Variants in YIPF6 observed in about 807,000 individuals in gnomAD.
YIPF6 encodes the protein protein YIPF6.
Under a neutral mutation model 16.8 loss-of-function variants are expected in YIPF6, and 3 were observed. That is an observed-to-expected ratio of 0.18 (90% CI 0.08 to 0.46). The LOEUF (loss-of-function observed/expected upper bound fraction) is 0.46, where lower values mean the gene tolerates loss of function less well. YIPF6 is among the 20% of genes least tolerant of loss of function. The pLI, the probability that YIPF6 is intolerant of heterozygous loss-of-function variation, is 0.98. For missense variants in YIPF6, 145 were observed against 184.9 expected, an observed-to-expected ratio of 0.78 and a Z score of 1.25; for synonymous variants, 67 against 61.9, an observed-to-expected ratio of 1.08 and a Z score of -0.38.
At chrX:68,509,114 G>GTT (rs202244962) in intron 1 of YIPF6, among the ~76,000 whole-genome samples, 4 of 98,387 alleles carry the variant, frequency 4.1e-5, no homozygotes, top group African/African-American at 7.3e-5. Flanking sequence ...TTTTGTTGTT[G>GTT]TTTTTTTTTT....
rs1335755831 is a variant in YIPF6, at chrX:68,522,957, A to C, written c.592+40A>C. 3 of 1,195,742 alleles carry C rather than the reference A, an allele frequency of 2.5e-6. No homozygotes were observed. In the Admixed American group the frequency reaches 6.9e-5, roughly 27 times the overall value. On this transcript the variant is annotated intron_variant, in intron 6 of 6. Transcript: ENST00000462683. Reference sequence around the variant, plus strand: ...ATTTCCACAATAACAGAACAGACAAAAACATGATTTAATGATGAAGACCAG... The same window carrying C: ...ATTTCCACAATAACAGAACAGACAACAACATGATTTAATGATGAAGACCAG...
At chrX:68,525,835 T>C (rs1422999824) in intron 6 of YIPF6, among the ~76,000 whole-genome samples, 1 of 111,601 alleles carries the variant, frequency 9.0e-6, no homozygotes, top group Non-Finnish European at 1.9e-5. Context: ...TTCTGTTCCA[T>C]CGGTCTATAT....
chrX:68,524,642 G>A (rs2079140172), intron 6 of YIPF6, among the ~76,000 whole-genome samples: 1 of 109,142 alleles, frequency 9.2e-6, no homozygotes, highest in African/African-American at 3.3e-5. Context: ...ATCTACATTA[G>A]GTATTTCTCC....
In YIPF6 at chrX:68,504,315, G is replaced by A. The variant is rs1017698092; in HGVS notation, c.57+5192G>A. ...TATTGGGGTTTCATTATGATTAATT[G>A]GACCATTGCTCACATAATGGAACTC... On this transcript the variant is annotated intron_variant, in intron 1 of 6. Transcript: ENST00000462683. 3.6e-5 allele frequency among the ~76,000 whole-genome samples: 4 copies of A among 110,909 alleles called. No individual in the cohort carries two copies. The South Asian group carries it at 1.6e-3, about 43-fold the overall frequency.
chrX:68,527,632 A>T (rs1445798714), intron 6 of YIPF6, among the ~76,000 whole-genome samples: 3 of 111,754 alleles, frequency 2.7e-5, no homozygotes, highest in Non-Finnish European at 5.6e-5. Context: ...CCCTCTAAAC[A>T]CTGCTTTAGC....
At chrX:68,531,582 CA>C (rs1040830592) in intron 6 of YIPF6, among the ~76,000 whole-genome samples, 1 of 112,377 alleles carries the variant, frequency 8.9e-6, no homozygotes, top group Non-Finnish European at 1.9e-5. Flanking sequence ...TAACCTTACA[CA>C]TCTTTGTAAG....
chrX:68,502,616 A>G (rs1257212768), intron 1 of YIPF6, among the ~76,000 whole-genome samples: 1 of 111,171 alleles, frequency 9.0e-6, no homozygotes, highest in Non-Finnish European at 1.9e-5. Context: ...AGTTTGGGAC[A>G]TGTTTAGTTT....
At chrX:68,503,972 G>T (rs1042605677) in intron 1 of YIPF6, among the ~76,000 whole-genome samples, 2 of 112,058 alleles carry the variant, frequency 1.8e-5, no homozygotes, top group Non-Finnish European at 3.8e-5. Context: ...GCCCATCTTG[G>T]CCTCCCAAAT....
chrX:68,513,498 A>G (rs2079089279), intron 3 of YIPF6, 93 bp downstream of exon 3: 1 of 484,838 alleles, frequency 2.1e-6, no homozygotes, highest in African/African-American at 2.4e-5. Flanking sequence ...TGGTAATAAA[A>G]CTGACATCAT....
At chrX:68,511,819 GCTTA>G (rs1316161131) in intron 1 of YIPF6, 26 bp from the exon 2 acceptor site, 64 of 1,182,627 alleles carry the variant, frequency 5.4e-5, no homozygotes, top group Non-Finnish European at 7.1e-5. Context: ...TTTATTACAG[GCTTA>G]CTTTTTTTCC....
rs58273451 is a variant in YIPF6, at chrX:68,532,599, C to CAAAAAA, written c.*614_*619dup. 2.2e-5 allele frequency: 1 copy of CAAAAAA among 44,455 alleles called. No individual in the cohort carries two copies. The allele number at this position is 44,455 out of a possible 1,213,427, so 3.7% of individuals were successfully genotyped here. On this transcript the variant is annotated 3_prime_UTR_variant, in exon 7 of 7. Coordinates refer to ENST00000462683, the MANE Select transcript of YIPF6 (RefSeq NM_173834.4). Reference sequence around the variant, plus strand: ...ATCAGGGGAAATTCTACACTTGTTGCAAAAAAAAAAAAAAAAAAAGCAAAG... The same window carrying CAAAAAA: ...ATCAGGGGAAATTCTACACTTGTTGCAAAAAAAAAAAAAAAAAAAAAAAAAGCAAAG...
At chrX:68,504,355 C>CA (rs762464103) in intron 1 of YIPF6, among the ~76,000 whole-genome samples, 10 of 111,188 alleles carry the variant, frequency 9.0e-5, no homozygotes, top group Admixed American at 2.9e-4. Context: ...TCCAGGGTCC[C>CA]ACCACTCCCG....
chrX:68,521,599 G>A, intron 5 of YIPF6, 102 bp downstream of exon 5: 1 of 882,636 alleles, frequency 1.1e-6, no homozygotes, highest in Non-Finnish European at 1.6e-6. Flanking sequence ...TTTGAGACAG[G>A]GTGTCACTCT....
At chrX:68,514,843 A>T (rs2079095176) in intron 3 of YIPF6, 1 of 112,998 alleles carries the variant, frequency 8.8e-6, no homozygotes, top group Admixed American at 9.4e-5. Flanking sequence ...GTCAAAACAG[A>T]CAGCGTCTCA....
chrX:68,523,566 T>C (rs1218089418), intron 6 of YIPF6, among the ~76,000 whole-genome samples: 1 of 112,208 alleles, frequency 8.9e-6, no homozygotes, highest in Non-Finnish European at 1.9e-5. Context: ...AACATTTTGC[T>C]AAAGACTAGG....
intron 3 of YIPF6, chrX:68,514,056 C>A (rs1244196412): frequency 9.4e-6 from 1 of 106,424 alleles, no homozygotes; most frequent in Non-Finnish European, 1.9e-5. Flanking sequence ...CATGGCGAGA[C>A]CTCATTTCTA....
Position 68,536,657 on chromosome X carries a change from G to A in YIPF6, c.*4658G>A, listed in dbSNP as rs756610203. The A allele has an allele frequency of 9.0e-6, 1 of 111,642 alleles. No homozygotes were observed. The highest frequency in any genetic ancestry group is 3.8e-4 in the South Asian group (1 of 2,649). The allele number at this position is 111,642 out of a possible 1,213,427, so 9.2% of individuals were successfully genotyped here. A position where few individuals can be genotyped will look rare whatever the true frequency, so the allele number is the denominator to read the frequency against. On this transcript the variant is annotated 3_prime_UTR_variant, in exon 7 of 7. Transcript: ENST00000462683. ...TGTACCCTAGAACTGACTGGATGTA[G>A]ATAACATTTGTTTTCAGAGTAATGG...
chrX:68,512,009 C>T, intron 2 of YIPF6, 32 bp downstream of exon 2: 5 of 1,177,392 alleles, frequency 4.2e-6, no homozygotes, highest in Non-Finnish European at 5.7e-6. Flanking sequence ...AACTTCTGTT[C>T]AGTATCATGG....
At chrX:68,515,672 C>CT (rs528529230) in intron 3 of YIPF6, among the ~76,000 whole-genome samples, 9,478 of 102,116 alleles carry the variant, frequency 0.093, 472 homozygotes, top group Non-Finnish European at 0.15. Context: ...TTATGGTTGA[C>CT]TTTTTTTTTT....
Sources: gnomAD v4.1 joint callset for allele counts (sites outside exome capture counted in the v4.1 genomes callset) on GRCh38, gnomAD v4.1.1 for gene constraint, MANE v1.5 for transcripts, NCBI Gene and HGNC (gene_info 2026-07-23, HGNC 2026-07-21) for gene names.